Variants in ZFYVE21 observed in about 807,000 individuals in gnomAD.
The protein encoded by ZFYVE21 is zinc finger FYVE-type containing 21, also known as zinc finger FYVE domain-containing protein 21.
ZFYVE21 carries 21 observed loss-of-function variants against 29.5 expected under a neutral mutation model. That is an observed-to-expected ratio of 0.71 (90% CI 0.50 to 1.02). The LOEUF (loss-of-function observed/expected upper bound fraction) is 1.02. Ranked by LOEUF, ZFYVE21 falls within the 50% of genes least tolerant of loss-of-function variation. The pLI is 0.00. For synonymous variants in ZFYVE21, 151 were observed against 133.8 expected (o/e 1.13, Z -0.89); for missense variants, 326 against 335.4 (o/e 0.97, Z 0.22).
intron 1 of ZFYVE21, chr14:103,724,559 C>A (rs190732143): frequency 1.6e-3 from 241 of 152,386 alleles, no homozygotes; most frequent in African/African-American, 5.7e-3. Flanking sequence ...CCCCCTCCTT[C>A]CCCCAGAAGG....
chr14:103,727,330 G>T (rs909076684), intron 2 of ZFYVE21: 54 of 373,890 alleles, frequency 1.4e-4, no homozygotes, highest in Middle Eastern at 1.8e-3. Context: ...TGGGGTGGGG[G>T]TGCAGCTTGC....
chr14:103,728,499 G>GA (rs1276541122), intron 3 of ZFYVE21, among the ~76,000 whole-genome samples: 1 of 152,190 alleles, frequency 6.6e-6, no homozygotes, highest in Non-Finnish European at 1.5e-5. Context: ...CATCCTGTGT[G>GA]AAACGGGCAT....
At position 103,732,750 on chromosome 14, in the gene ZFYVE21, G is replaced by A. The variant is rs2151954125; in HGVS notation, c.657G>A (p.Val219=). The change falls in exon 6 of 7, where the codon GTG becomes GTA. Residue 219 remains valine (V), a synonymous_variant. Transcript: ENST00000311141. ...GGAGGCAGGCGGTGGCGTGGCTAGTGGCCATGCACAAGGTACCTGAGCCCA... is the reference window on the plus strand; with the variant it reads ...GGAGGCAGGCGGTGGCGTGGCTAGTAGCCATGCACAAGGTACCTGAGCCCA... The part of the protein sequence containing the change: ...VGRRQAVAWL[V]AMHKAAKLLY... The A allele has an allele frequency of 6.2e-7, 1 of 1,612,416 alleles. No homozygotes were observed. Among genetic ancestry groups the A allele is most frequent in the South Asian group, 1.1e-5 (1 of 90,848 alleles).
chr14:103,727,360 G>GCCCCCCCCCCCCCCCGCC, intron 2 of ZFYVE21: 1 of 358,082 alleles, frequency 2.8e-6, no homozygotes. Flanking sequence ...GCACCCACCT[G>GCCCCCCCCCCCCCCCGCC]CCCCCCGCCC....
intron 1 of ZFYVE21, among the ~76,000 whole-genome samples, chr14:103,719,411 T>C (rs2083854838): frequency 6.7e-6 from 1 of 149,346 alleles, no homozygotes; most frequent in South Asian, 2.1e-4. Context: ...GCCAAGATTG[T>C]GCCACTGCAC....
intron 4 of ZFYVE21, 23 bp from the exon 5 acceptor site, chr14:103,729,068 T>C: frequency 6.2e-7 from 1 of 1,613,928 alleles, no homozygotes; most frequent in East Asian, 2.2e-5. Flanking sequence ...ATGACCCGAT[T>C]TGGACACTTT....
intron 2 of ZFYVE21, 97 bp downstream of exon 2, chr14:103,726,939 T>G (rs1251586982): frequency 9.8e-6 from 13 of 1,322,994 alleles, no homozygotes; most frequent in African/African-American, 1.7e-5. Context: ...GGATGTCATC[T>G]TATGGCTCGT....
intron 3 of ZFYVE21, chr14:103,728,668 C>A: frequency 2.1e-6 from 1 of 475,692 alleles, no homozygotes. Flanking sequence ...AAAAGAATTT[C>A]TAGGAGCTTT....
intron 5 of ZFYVE21, chr14:103,732,402 TCTTG>T (rs772379598): frequency 3.8e-4 from 172 of 454,116 alleles, no homozygotes; most frequent in Middle Eastern, 1.1e-3. Flanking sequence ...CGGCTGAGTG[TCTTG>T]GTCCCTCTCC....
chr14:103,730,768 T>C (rs2083966446), intron 5 of ZFYVE21: 1 of 152,330 alleles, frequency 6.6e-6, no homozygotes, highest in Admixed American at 6.5e-5. Context: ...ACTCATTCTT[T>C]CAAGGCCAGA....
rs1053870016 is a variant in ZFYVE21 at position 103,715,940 on chromosome 14, G to A, written c.99G>A (p.Pro33=). 3 of 1,426,394 alleles carry A rather than the reference G, an allele frequency of 2.1e-6. No homozygotes were observed. Among genetic ancestry groups the A allele is most frequent in the East Asian group, 3.2e-5 (1 of 31,054 alleles). The allele number at this position is 1,426,394 out of a possible 1,614,324, so 88.4% of individuals were successfully genotyped here. A position where few individuals can be genotyped will look rare whatever the true frequency, so the allele number is the denominator to read the frequency against. The change falls in exon 1 of 7, where the codon CCG becomes CCA. Residue 33 remains proline (P), a synonymous_variant. Coordinates refer to ENST00000311141, the MANE Select transcript of ZFYVE21 (RefSeq NM_024071.4). ...CCGAACACCGCGCCTTCGGAAGCCC[G>A]TTCGGCCTGGAGGAGCCGCAGTGGG... is the stretch of plus-strand genomic sequence containing the variant. ...MVPEHRAFGS[P]FGLEEPQWVP... is the part of the protein sequence containing the mutation.
At chr14:103,726,443 A>G (rs2083925272) in intron 1 of ZFYVE21, 1 of 203,352 alleles carries the variant, frequency 4.9e-6, no homozygotes, top group South Asian at 1.0e-4. Flanking sequence ...CAGGGCTAAA[A>G]AGGCGTTGTT....
At chr14:103,718,277 G>T (rs1350655715) in intron 1 of ZFYVE21, among the ~76,000 whole-genome samples, 1 of 152,198 alleles carries the variant, frequency 6.6e-6, no homozygotes, top group Non-Finnish European at 1.5e-5. Flanking sequence ...TTCTTAGCCA[G>T]GGGAGTCTGA....
At chr14:103,726,657 A>C in intron 1 of ZFYVE21, 135 bp from the exon 2 acceptor site, 1 of 1,146,028 alleles carries the variant, frequency 8.7e-7, no homozygotes, top group Non-Finnish European at 1.3e-6. Context: ...CCTGCGTCAC[A>C]ACCCTGCCTG....
At chr14:103,718,658 G>C (rs2083848045) in intron 1 of ZFYVE21, among the ~76,000 whole-genome samples, 1 of 152,226 alleles carries the variant, frequency 6.6e-6, no homozygotes. Flanking sequence ...ACGCAAGGCA[G>C]TGGGCTTGGG....
At chr14:103,718,203 C>T (rs149179374) in intron 1 of ZFYVE21, among the ~76,000 whole-genome samples, 8 of 152,218 alleles carry the variant, frequency 5.3e-5, no homozygotes, top group East Asian at 1.9e-4. Context: ...GCTTGGTGGC[C>T]GTGTGCCGAT....
At chr14:103,729,986 A>C in intron 5 of ZFYVE21, 1 of 955,610 alleles carries the variant, frequency 1.0e-6, no homozygotes, top group South Asian at 1.7e-5. Context: ...TTGACTTAAG[A>C]GAGATGTTGG....
At chr14:103,722,717 G>C (rs2083883613) in intron 1 of ZFYVE21, among the ~76,000 whole-genome samples, 1 of 152,086 alleles carries the variant, frequency 6.6e-6, no homozygotes, top group South Asian at 2.1e-4. Context: ...TACTTGGGAG[G>C]CTGAGGCGGG....
chr14:103,720,213 C>G (rs2083861565), intron 1 of ZFYVE21, among the ~76,000 whole-genome samples: 1 of 152,182 alleles, frequency 6.6e-6, no homozygotes, highest in Non-Finnish European at 1.5e-5. Flanking sequence ...TCTTTGGATT[C>G]TCCTTTGAAC....
Sources: allele counts gnomAD v4.1 joint callset (sites outside exome capture counted in the v4.1 genomes callset), GRCh38; gene constraint gnomAD v4.1.1; transcripts MANE v1.5; gene names NCBI Gene and HGNC (gene_info 2026-07-23, HGNC 2026-07-21).